The following TAFA3 variants were observed in gnomAD, a reference collection of about 807,000 sequenced individuals.
TAFA3 encodes the protein chemokine-like protein TAFA-3.
Under a neutral mutation model 20.7 loss-of-function variants are expected in TAFA3, and 17 were observed. The observed-to-expected ratio is 0.82, with a 90% CI of 0.56 to 1.23. TAFA3 has a LOEUF of 1.23. Among genes scored for constraint, TAFA3 ranks in the 50% most tolerant of loss-of-function variants. The pLI is 0.00. For missense variants in TAFA3, 174 were observed against 172.8 expected, an observed-to-expected ratio of 1.01 and a Z score of -0.04; for synonymous variants, 74 against 71.8, an observed-to-expected ratio of 1.03 and a Z score of -0.16.
intron 4 of TAFA3, 87 bp from the exon 5 acceptor site, chr1:112,723,926 A>G: frequency 6.2e-7 from 1 of 1,612,510 alleles, no homozygotes; most frequent in South Asian, 1.1e-5. Flanking sequence ...GTGTGTGGAA[A>G]CGTGCACCTC....
At chr1:112,723,823 G>C in intron 4 of TAFA3, 190 bp from the exon 5 acceptor site, 2 of 1,089,632 alleles carry the variant, frequency 1.8e-6, no homozygotes, top group South Asian at 3.0e-5. Flanking sequence ...AAAGTTGAGA[G>C]GGTTACGTCC....
intron 1 of TAFA3, among the ~76,000 whole-genome samples, chr1:112,719,899 G>A (rs181761091): frequency 5.9e-5 from 9 of 152,238 alleles, no homozygotes; most frequent in African/African-American, 2.2e-4. Context: ...TCGCTCCTAG[G>A]AGCTAGGACT....
rs1675491088 is a variant in TAFA3, at chr1:112,727,119, G to A, written c.*479G>A. ...ATCAGTTCTGAATCCCCAGCAAGCT[G>A]TTAACATGTTGCAGGAAAACACTCT... On this transcript the variant is annotated 3_prime_UTR_variant, in exon 6 of 6. Transcript: ENST00000361886. 1 of 163,446 alleles carries A rather than the reference G, an allele frequency of 6.1e-6. No homozygotes were observed. The highest frequency in any genetic ancestry group is 2.4e-5 in the African/African-American group (1 of 41,706). The allele number at this position is 163,446 out of a possible 1,614,324, so 10.1% of individuals were successfully genotyped here.
chr1:112,726,618 T>A lies in TAFA3; in HGVS notation c.391-11T>A. ...CCCTTCTCTAACCTTACCCTCTCGC[T>A]TCTTCACCAGGTCACACGATAGCTC... On this transcript the variant is annotated splice_polypyrimidine_tract_variant and intron_variant, in intron 5 of 5. Transcript: ENST00000361886. The A allele has an allele frequency of 1.2e-6, 2 of 1,613,890 alleles. No homozygotes were observed. Among genetic ancestry groups the A allele is most frequent in the Admixed American group, 3.3e-5 (2 of 60,014 alleles).
In TAFA3 at chr1:112,724,035, G is replaced by C; in HGVS notation, c.288G>C (p.Trp96Cys). The C allele has an allele frequency of 6.2e-7, 1 of 1,613,922 alleles. No homozygotes were observed. Among genetic ancestry groups the C allele is most frequent in the Admixed American group, 1.7e-5 (1 of 60,028 alleles). The change falls in exon 5 of 6, where the codon TGG becomes TGC. Residue 96 changes from tryptophan to cysteine, a missense_variant. Coordinates refer to ENST00000361886, the MANE Select transcript of TAFA3 (RefSeq NM_182759.3). The part of the protein sequence containing the change: ...CVDASIVLQR[W>C]WCQMEPCLPG... Reference sequence around the variant, plus strand: ...CAGCCTCCATCGTCCTGCAGAGATGGTGGTGTCAGATGGAGCCCTGCCTGC... The same window carrying C: ...CAGCCTCCATCGTCCTGCAGAGATGCTGGTGTCAGATGGAGCCCTGCCTGC...
Position 112,723,940 on chromosome 1 carries a change from C to T in TAFA3, c.266-73C>T, listed in dbSNP as rs532845343. Reference sequence around the variant, plus strand: ...GGTGTGTGGAAACGTGCACCTCATTCGCAGACCTGCTCTTGGCTGCCCACT... The same window carrying T: ...GGTGTGTGGAAACGTGCACCTCATTTGCAGACCTGCTCTTGGCTGCCCACT... On this transcript the variant is annotated intron_variant, in intron 4 of 5. Transcript: ENST00000361886. The T allele has an allele frequency of 1.2e-4, 192 of 1,613,242 alleles. 4 individuals are homozygous for T. The South Asian group carries it at 2.0e-3, about 17-fold the overall frequency.
chr1:112,723,632 C>T (rs1489277008), intron 4 of TAFA3, among the ~76,000 whole-genome samples: 3 of 152,166 alleles, frequency 2.0e-5, no homozygotes. Context: ...ACGCGCATAC[C>T]AGCTATGCCA....
At chr1:112,724,917 C>T (rs1469408047) in intron 5 of TAFA3, among the ~76,000 whole-genome samples, 1 of 147,260 alleles carries the variant, frequency 6.8e-6, no homozygotes, top group African/African-American at 2.5e-5. Flanking sequence ...AATCATTTTG[C>T]CAAAAAGACA....
intron 1 of TAFA3, among the ~76,000 whole-genome samples, chr1:112,720,153 G>A (rs1005823574): frequency 4.6e-5 from 7 of 152,086 alleles, no homozygotes; most frequent in African/African-American, 1.7e-4. Context: ...GTGGGTAGGA[G>A]GTGGAAGCAA....
At chr1:112,722,868 T>G (rs1315320865) in intron 3 of TAFA3, 148 bp from the exon 4 acceptor site, 4 of 1,006,036 alleles carry the variant, frequency 4.0e-6, no homozygotes, top group Non-Finnish European at 5.6e-6. Flanking sequence ...GGCGGGAAGA[T>G]TTCATCCACT....
At position 112,719,192 on chromosome 1, in the gene TAFA3, C is replaced by A. The variant is rs760508942; in HGVS notation, c.-167C>A. On this transcript the variant is annotated 5_prime_UTR_variant, in exon 1 of 6. It adds an upstream start codon to the 5' untranslated region. Coordinates refer to ENST00000361886, the MANE Select transcript of TAFA3 (RefSeq NM_182759.3). ...GGCTCCGGACTAGACAGCACCCAAG[C>A]TGGCCGCTCCCTCCCAAAGTCTGTC... is the stretch of plus-strand genomic sequence containing the variant. Among the ~76,000 whole-genome samples the A allele has an allele frequency of 1.5e-4, 23 of 152,248 alleles. No homozygotes were observed. Among genetic ancestry groups the A allele is most frequent in the Non-Finnish European group, 2.5e-4 (17 of 68,044 alleles).
intron 5 of TAFA3, among the ~76,000 whole-genome samples, chr1:112,725,395 TAAA>T (rs35474012): frequency 2.4e-5 from 2 of 83,360 alleles, no homozygotes; most frequent in Admixed American, 1.2e-4. Flanking sequence ...GTTGAAATAT[TAAA>T]AAAAAAAAAA....
intron 5 of TAFA3, 133 bp downstream of exon 5, chr1:112,724,270 C>A: frequency 1.2e-6 from 1 of 827,074 alleles, no homozygotes; most frequent in Non-Finnish European, 1.9e-6. Flanking sequence ...AATTCACAGA[C>A]AGTCCTCTCA....
At chr1:112,723,368 C>T (rs1191626983) in intron 4 of TAFA3, among the ~76,000 whole-genome samples, 2 of 152,134 alleles carry the variant, frequency 1.3e-5, no homozygotes, top group African/African-American at 2.4e-5. Context: ...TTGTTATGCG[C>T]ACAGCCTCCC....
In TAFA3 at chr1:112,723,142, G is replaced by A; in HGVS notation, c.242G>A (p.Arg81Gln). 5 of 1,613,102 alleles carry A rather than the reference G, an allele frequency of 3.1e-6. No homozygotes were observed. Among genetic ancestry groups the A allele is most frequent in the Non-Finnish European group, 4.2e-6 (5 of 1,179,832 alleles). ...TCTGGCCAGGTGGCCGGCACCACGC[G>A]GGCAAAGCCCTCCTGCGTGGACGGT... ...CFSGQVAGTT[R>Q]AKPSCVDASI... Residue 81 changes from arginine to glutamine, a missense_variant, in exon 4 of 6, where the codon CGG becomes CAG. Arg to Gln is a conservative substitution (Grantham distance 43, BLOSUM62 1). Transcript: ENST00000361886.
rs1675368323 is a variant in TAFA3, at chr1:112,723,059, C to T, written c.159C>T (p.Arg53=). The T allele has an allele frequency of 6.2e-7, 1 of 1,613,048 alleles. No homozygotes were observed. The highest frequency in any genetic ancestry group is 8.5e-7 in the Non-Finnish European group (1 of 1,179,648). The change falls in exon 4 of 6, where the codon CGC becomes CGT. Residue 53 remains arginine (R), a synonymous_variant. Transcript: ENST00000361886. The stretch of plus-strand genomic sequence containing the variant: ...CCTGCGAGGTGATTGCGGCTCACCG[C>T]TGCTGCAACCGGAACCGCATCGAGG... ...QGTCEVIAAH[R]CCNRNRIEER...
chr1:112,722,469 T>G, intron 3 of TAFA3, 121 bp downstream of exon 3: 1 of 807,018 alleles, frequency 1.2e-6, no homozygotes, highest in Non-Finnish European at 1.9e-6. Context: ...CCAGAGATTC[T>G]AGGGGTTCCG....
At chr1:112,720,901 C>T (rs1189739795) in intron 2 of TAFA3, among the ~76,000 whole-genome samples, 1 of 152,186 alleles carries the variant, frequency 6.6e-6, no homozygotes, top group African/African-American at 2.4e-5. Context: ...CCTCCATTTC[C>T]AGCCTACCCT....
chr1:112,723,776 C>T (rs1434486766), intron 4 of TAFA3, among the ~76,000 whole-genome samples: 1 of 152,160 alleles, frequency 6.6e-6, no homozygotes, highest in African/African-American at 2.4e-5. Flanking sequence ...TGCCTTCACC[C>T]GTCACTGTCT....
Sources: allele counts gnomAD v4.1 joint callset (sites outside exome capture counted in the v4.1 genomes callset), GRCh38; gene constraint gnomAD v4.1.1; transcripts MANE v1.5; gene names NCBI Gene and HGNC (gene_info 2026-07-23, HGNC 2026-07-21).